CNTN4: variants seen among roughly 807,000 people sequenced by gnomAD.
CNTN4 encodes the protein contactin 4.
Under a neutral mutation model 122.5 loss-of-function variants are expected in CNTN4, and 77 were observed. The observed-to-expected ratio is 0.63, with a 90% CI of 0.52 to 0.76. The LOEUF is 0.76. Among genes scored for constraint, CNTN4 ranks in the 30% least tolerant of loss-of-function variants. The pLI, the probability that CNTN4 is intolerant of heterozygous loss-of-function variation, is 0.00. For synonymous variants in CNTN4, 512 were observed against 447.0 expected, an observed-to-expected ratio of 1.15 and a Z score of -1.83; for missense variants, 1,256 against 1,259.1, an observed-to-expected ratio of 1.00 and a Z score of 0.04.
At chr3:2,352,892 G>A (rs62244047) in intron 3 of CNTN4, among the ~76,000 whole-genome samples, 19,185 of 152,154 alleles carry the variant, frequency 0.13, 1,516 homozygotes, top group Non-Finnish European at 0.18. Flanking sequence ...ATATGCACCA[G>A]TCAGCACTCT....
intron 2 of CNTN4, among the ~76,000 whole-genome samples, chr3:2,133,624 G>A (rs943575022): frequency 6.6e-6 from 1 of 152,092 alleles, no homozygotes; most frequent in Non-Finnish European, 1.5e-5. Context: ...ATTTTAGGTA[G>A]TAACATTATC....
chr3:2,340,710 T>TATATGTAGAG, intron 3 of CNTN4, among the ~76,000 whole-genome samples: 2 of 18,294 alleles, frequency 1.1e-4, no homozygotes, highest in African/African-American at 2.0e-4. Context: ...TATATATATA[T>TATATGTAGAG]AGAGAGAGAG....
rs536456813 is a variant in CNTN4, at chr3:2,578,190, A to C, written c.55+6632A>C. 2.8e-4 allele frequency among the ~76,000 whole-genome samples: 43 copies of C among 152,360 alleles called. 2 individuals carry two copies. The highest frequency in any genetic ancestry group is 1.0e-3 in the African/African-American group (43 of 41,592). On this transcript the variant is annotated intron_variant, in intron 4 of 24. Transcript: ENST00000418658. ...ATGAGAACACATACAAAGAATGCTC[A>C]TTGGTCTTCAGAAGGCTTTTGAGGC... is the stretch of plus-strand genomic sequence containing the variant.
intron 4 of CNTN4, among the ~76,000 whole-genome samples, chr3:2,665,065 C>A (rs940211430): frequency 1.3e-5 from 2 of 152,140 alleles, no homozygotes; most frequent in Admixed American, 1.3e-4. Context: ...TGTATTTCAT[C>A]TCTAGGGATA....
At position 2,736,370 on chromosome 3, in the gene CNTN4, A is replaced by G. The variant is rs570668450; in HGVS notation, c.182+29A>G. On this transcript the variant is annotated intron_variant, in intron 5 of 24. Transcript: ENST00000418658. ...TGTTGATGTAAAAGCATGTGTTTCC[A>G]TGCATATAGTTTCTGTTATTAAAAT... The G allele has an allele frequency of 8.7e-6, 14 of 1,605,758 alleles. No individual in the cohort carries two copies. The South Asian group carries it at 1.4e-4, about 16-fold the overall frequency.
At chr3:2,901,540 A>G (rs1187855298) in intron 11 of CNTN4, among the ~76,000 whole-genome samples, 3 of 152,162 alleles carry the variant, frequency 2.0e-5, no homozygotes, top group Non-Finnish European at 4.4e-5. Flanking sequence ...GATTCTGTCA[A>G]TTATAAAAGC....
At chr3:2,456,633 T>C (rs1053596191) in intron 3 of CNTN4, among the ~76,000 whole-genome samples, 6 of 152,138 alleles carry the variant, frequency 3.9e-5, no homozygotes, top group African/African-American at 1.2e-4. Context: ...TAACCTTCTG[T>C]GTCTAGCTTT....
intron 2 of CNTN4, among the ~76,000 whole-genome samples, chr3:2,211,424 G>C (rs957071056): frequency 6.6e-6 from 1 of 152,140 alleles, no homozygotes; most frequent in African/African-American, 2.4e-5. Flanking sequence ...TGTAGGTTCA[G>C]AGCAAACTTT....
intron 4 of CNTN4, among the ~76,000 whole-genome samples, chr3:2,713,206 A>G (rs956609711): frequency 6.6e-6 from 1 of 152,052 alleles, no homozygotes; most frequent in African/African-American, 2.4e-5. Context: ...ATTCAAAATG[A>G]TATAGAAGGA....
At chr3:2,576,444 A>T (rs2079689501) in intron 4 of CNTN4, among the ~76,000 whole-genome samples, 2 of 152,218 alleles carry the variant, frequency 1.3e-5, no homozygotes, top group Non-Finnish European at 2.9e-5. Flanking sequence ...AAGTCGATGT[A>T]AATATCTAAA....
At chr3:2,895,958 A>G (rs4684369) in intron 10 of CNTN4, among the ~76,000 whole-genome samples, 12,376 of 152,134 alleles carry the variant, frequency 0.081, 642 homozygotes, top group African/African-American at 0.15. Context: ...GCGTGAACCC[A>G]GAAGGCAGAG....
At chr3:2,963,996 C>T (rs957071243) in intron 13 of CNTN4, among the ~76,000 whole-genome samples, 3 of 152,164 alleles carry the variant, frequency 2.0e-5, no homozygotes, top group South Asian at 2.1e-4. Flanking sequence ...GCAACCGTAT[C>T]AGTTTTGTTC....
In CNTN4 at chr3:2,452,170, A is replaced by G. The variant is rs117256121; in HGVS notation, c.-89+112937A>G. ...GGGAACAGGAATCAGAAGCTCATTT[A>G]TAGACTCTGCTATCTACTGCTATTT... is the stretch of plus-strand genomic sequence containing the variant. On this transcript the variant is annotated intron_variant, in intron 3 of 24. Transcript: ENST00000418658. 1.6e-4 allele frequency among the ~76,000 whole-genome samples: 24 copies of G among 152,298 alleles called. No homozygotes were observed. The East Asian group carries it at 3.9e-3, about 24-fold the overall frequency.
At chr3:2,421,201 T>C (rs1233926172) in intron 3 of CNTN4, among the ~76,000 whole-genome samples, 1 of 151,962 alleles carries the variant, frequency 6.6e-6, no homozygotes, top group Non-Finnish European at 1.5e-5. Context: ...TTGTGAGGCA[T>C]TAGAGGTGAC....
chr3:2,392,462 A>G (rs1360671600), intron 3 of CNTN4, among the ~76,000 whole-genome samples: 1 of 152,150 alleles, frequency 6.6e-6, no homozygotes, highest in Non-Finnish European at 1.5e-5. Context: ...CACAGTCTTC[A>G]TGTTCAAGGA....
intron 2 of CNTN4, among the ~76,000 whole-genome samples, chr3:2,121,273 G>T (rs2033762842): frequency 1.3e-5 from 2 of 152,150 alleles, no homozygotes; most frequent in East Asian, 3.9e-4. Context: ...GCCGAGGCGG[G>T]CAGATCACGA....
In CNTN4 at chr3:2,569,499, C is replaced by T. The variant is rs902070081; in HGVS notation, c.-88-1917C>T. ...TCACATTGTATACCATAAATATATACAATTATTATTTGTCAATTTAAAAAT... is the reference window on the plus strand; with the variant it reads ...TCACATTGTATACCATAAATATATATAATTATTATTTGTCAATTTAAAAAT... On this transcript the variant is annotated intron_variant, in intron 3 of 24. Transcript: ENST00000418658. Among the ~76,000 whole-genome samples, 81 of 152,152 alleles carry T rather than the reference C, an allele frequency of 5.3e-4. 1 individual carries two copies. Among genetic ancestry groups the T allele is most frequent in the Non-Finnish European group, 4.4e-4 (30 of 68,010 alleles).
chr3:2,927,893 C>G (rs1368654049), intron 13 of CNTN4, among the ~76,000 whole-genome samples: 1 of 152,230 alleles, frequency 6.6e-6, no homozygotes, highest in African/African-American at 2.4e-5. Context: ...AATATTAGCA[C>G]TTATTCTCCA....
intron 14 of CNTN4, among the ~76,000 whole-genome samples, chr3:3,024,767 A>T (rs1202111652): frequency 6.6e-6 from 1 of 152,182 alleles, no homozygotes; most frequent in Non-Finnish European, 1.5e-5. Flanking sequence ...TTAAAGAGGA[A>T]ATTTTAGCAT....
Sources: allele counts gnomAD v4.1 joint callset (sites outside exome capture counted in the v4.1 genomes callset), GRCh38; gene constraint gnomAD v4.1.1; transcripts MANE v1.5; gene names NCBI Gene and HGNC (gene_info 2026-07-23, HGNC 2026-07-21).